Variants in TEX15 observed in about 807,000 individuals in gnomAD.
TEX15 encodes the protein testis expressed 15, meiosis and synapsis associated.
Under a neutral mutation model 237.3 loss-of-function variants are expected in TEX15, and 171 were observed. The ratio of observed to expected loss-of-function variants is 0.72; its 90% confidence interval spans 0.64 to 0.82. TEX15 has a LOEUF of 0.82. TEX15 is among the 40% of genes least tolerant of loss of function. The pLI, the probability that TEX15 is intolerant of heterozygous loss-of-function variation, is 0.00. For synonymous variants in TEX15, 1,338 were observed against 1,269.8 expected (o/e 1.05, Z -1.14); for missense variants, 3,750 against 3,646.5 (o/e 1.03, Z -0.73).
chr8:30,853,374 G>C (rs1807831972), intron 7 of TEX15, among the ~76,000 whole-genome samples: 1 of 152,182 alleles, frequency 6.6e-6, no homozygotes, highest in South Asian at 2.1e-4. Flanking sequence ...GGCAACAGCA[G>C]AATATAGTAC....
chr8:30,909,396 C>T (rs1053375238), intron 1 of TEX15, among the ~76,000 whole-genome samples: 2 of 129,160 alleles, frequency 1.5e-5, no homozygotes, highest in Non-Finnish European at 3.2e-5. Context: ...AAAGACAGAC[C>T]CCCCCCCGCC....
intron 3 of TEX15, among the ~76,000 whole-genome samples, chr8:30,875,862 A>G (rs1489901364): frequency 6.6e-6 from 1 of 150,428 alleles, no homozygotes; most frequent in Non-Finnish European, 1.5e-5. Flanking sequence ...CCCAGGCTGG[A>G]GTGCAGTGGT....
rs1227183003 is a variant in TEX15, at chr8:30,844,914, G to A, written c.5253C>T (p.Ser1751=). ...RILTVDSFAA[S]STVPHCEQSC... ...TCTGCTCACAGTGTGGTACAGTACT[G>A]GATGCTGCAAAAGAATCTACAGTAA... is the stretch of plus-strand genomic sequence containing the variant. Residue 1751 remains serine, a synonymous_variant, in exon 8 of 11, where the codon TCC becomes TCT. Transcript: ENST00000643185. The A allele has an allele frequency of 5.6e-6, 9 of 1,613,384 alleles. No individual in the cohort carries two copies. Among genetic ancestry groups the A allele is most frequent in the Non-Finnish European group, 7.6e-6 (9 of 1,179,544 alleles).
Position 30,867,385 on chromosome 8 carries a change from T to C in TEX15, c.420A>G (p.Ala140=). The C allele has an allele frequency of 6.5e-7, 1 of 1,532,360 alleles. No homozygotes were observed. 94.9% of individuals were successfully genotyped at this position (1,532,360 alleles called of 1,614,324 possible). A position where few individuals can be genotyped will look rare whatever the true frequency, so the allele number is the denominator to read the frequency against. ...GATTTCCTAGTATCTTCAATGTAGA[T>C]GCTCTGGTACTTATTCCATTCTGAT... ...QIYQNGISTR[A]STLKILGNPL... is the part of the protein sequence containing the mutation. Residue 140 remains alanine, a synonymous_variant, in exon 5 of 11, where the codon GCA becomes GCG. Coordinates refer to ENST00000643185, the MANE Select transcript of TEX15 (RefSeq NM_001350162.2).
intron 7 of TEX15, among the ~76,000 whole-genome samples, 163 bp from the exon 8 acceptor site, chr8:30,849,479 A>G (rs1281015757): frequency 3.9e-5 from 6 of 152,242 alleles, no homozygotes; most frequent in Non-Finnish European, 7.3e-5. Context: ...GAAGGGGATG[A>G]TTAACAAATA....
Position 30,833,212 on chromosome 8 carries a change from T to C in TEX15, c.*74A>G, listed in dbSNP as rs1205098569. The C allele has an allele frequency of 5.0e-6, 5 of 995,678 alleles. No individual in the cohort carries two copies. In the African/African-American group the frequency reaches 8.3e-5, roughly 17 times the overall value. The allele number at this position is 995,678 out of a possible 1,614,324, so 61.7% of individuals were successfully genotyped here. On this transcript the variant is annotated 3_prime_UTR_variant, in exon 11 of 11. Transcript: ENST00000643185. ...TTTACAAACATTAAAAATCGCTAAA[T>C]GTTAAAAAATATATAAGTAAAAAAT...
rs576296306 is a variant in TEX15 at position 30,904,118 on chromosome 8, T to C, written c.-85-5301A>G. Among the ~76,000 whole-genome samples, 8 of 152,306 alleles carry C rather than the reference T, an allele frequency of 5.3e-5. No individual in the cohort carries two copies. In the South Asian group the frequency reaches 6.2e-4, roughly 12 times the overall value. Reference sequence around the variant, plus strand: ...ATGACACAACTTTCAAGGGAATTAATAACTACAAGTCTTGGAAAGGAAATA... The same window carrying C: ...ATGACACAACTTTCAAGGGAATTAACAACTACAAGTCTTGGAAAGGAAATA... On this transcript the variant is annotated intron_variant, in intron 1 of 10. Transcript: ENST00000643185.
chr8:30,834,209 G>A (rs1807242779), intron 10 of TEX15, among the ~76,000 whole-genome samples: 1 of 152,158 alleles, frequency 6.6e-6, no homozygotes. Context: ...GTTTAACCTT[G>A]TCGCCCAGTA....
chr8:30,909,187 C>T (rs1288691367), intron 1 of TEX15, among the ~76,000 whole-genome samples: 1 of 151,738 alleles, frequency 6.6e-6, no homozygotes, highest in African/African-American at 2.4e-5. Flanking sequence ...AAAAAATCTT[C>T]AAATTTAGTT....
rs536474384 is a variant in TEX15, at chr8:30,889,830, G to C, written c.-9-2519C>G. ...TTGATATATATTTCTTTATGCTCAT[G>C]CAACACAGACCTATAACCTTTATAT... is the stretch of plus-strand genomic sequence containing the variant. On this transcript the variant is annotated intron_variant, in intron 2 of 10. Transcript: ENST00000643185. 1.7e-4 allele frequency among the ~76,000 whole-genome samples: 25 copies of C among 150,566 alleles called. No individual in the cohort carries two copies. In the South Asian group the frequency reaches 4.8e-3, roughly 29 times the overall value.
chr8:30,869,166 A>C (rs1273763832), intron 4 of TEX15, among the ~76,000 whole-genome samples: 1 of 152,030 alleles, frequency 6.6e-6, no homozygotes, highest in Non-Finnish European at 1.5e-5. Flanking sequence ...AAATTGCATA[A>C]AAGGTTGGCT....
At chr8:30,854,082 T>C (rs929122366) in intron 7 of TEX15, among the ~76,000 whole-genome samples, 4 of 151,752 alleles carry the variant, frequency 2.6e-5, no homozygotes, top group African/African-American at 9.7e-5. Flanking sequence ...ACCTTCCATC[T>C]TAAGACACAC....
rs1423448152 is a variant in TEX15 at position 30,848,449 on chromosome 8, G to GT, written c.1717dup (p.Thr573AsnfsTer6). On this transcript the variant is annotated frameshift_variant, in exon 8 of 11. Coordinates refer to ENST00000643185, the MANE Select transcript of TEX15 (RefSeq NM_001350162.2). LOFTEE classifies it high-confidence loss of function. ...AAAAATGTGACTACTGTACTCTTTTGTATAAGCATTACCGGACTCCTGTTG... is the reference window on the plus strand; with the variant it reads ...AAAAATGTGACTACTGTACTCTTTTGTTATAAGCATTACCGGACTCCTGTTG... 1.9e-6 allele frequency: 3 copies of GT among 1,614,010 alleles called. No homozygotes were observed. In the African/African-American group the frequency reaches 4.0e-5, roughly 22 times the overall value.
chr8:30,873,070 G>C (rs183175421), intron 4 of TEX15, among the ~76,000 whole-genome samples: 3 of 152,028 alleles, frequency 2.0e-5, no homozygotes, highest in Admixed American at 6.6e-5. Context: ...ACACAATGAC[G>C]AAATTGCCCA....
intron 5 of TEX15, among the ~76,000 whole-genome samples, chr8:30,864,491 G>A (rs1808115581): frequency 6.6e-6 from 1 of 151,144 alleles, no homozygotes; most frequent in Admixed American, 6.6e-5. Flanking sequence ...TAGAGCCTGG[G>A]AGTTTGAAGC....
At chr8:30,894,809 G>A (rs1808862776) in intron 2 of TEX15, among the ~76,000 whole-genome samples, 1 of 152,154 alleles carries the variant, frequency 6.6e-6, no homozygotes, top group Non-Finnish European at 1.5e-5. Flanking sequence ...TGGGAGGTGG[G>A]GCCTTCAGAA....
chr8:30,861,708 T>C (rs1300965475), intron 5 of TEX15, among the ~76,000 whole-genome samples: 1 of 152,134 alleles, frequency 6.6e-6, no homozygotes, highest in East Asian at 1.9e-4. Context: ...TCTATAAATC[T>C]AACATTATTC....
chr8:30,903,283 TAA>T (rs1156837149), intron 1 of TEX15, among the ~76,000 whole-genome samples: 1 of 152,214 alleles, frequency 6.6e-6, no homozygotes, highest in Admixed American at 6.5e-5. Context: ...TTTACATGTT[TAA>T]AAGACTGTCC....
At chr8:30,874,017 T>C (rs962873756) in intron 4 of TEX15, among the ~76,000 whole-genome samples, 6 of 152,152 alleles carry the variant, frequency 3.9e-5, no homozygotes, top group Non-Finnish European at 8.8e-5. Flanking sequence ...AAGAACCGTG[T>C]CAGGAATTCA....
Sources: gnomAD v4.1 joint callset for allele counts (sites outside exome capture counted in the v4.1 genomes callset) on GRCh38, gnomAD v4.1.1 for gene constraint, MANE v1.5 for transcripts, NCBI Gene and HGNC (gene_info 2026-07-23, HGNC 2026-07-21) for gene names.